The following MBD5 variants were observed in gnomAD, a reference collection of about 807,000 sequenced individuals.
MBD5 encodes the protein methyl-CpG-binding domain protein 5.
In MBD5, 13 loss-of-function variants were observed where a neutral mutation model predicts 117.3. The ratio of observed to expected loss-of-function variants is 0.11; its 90% CI spans 0.07 to 0.18. The LOEUF is 0.18. Ranked by LOEUF, MBD5 falls within the 10% of genes least tolerant of loss-of-function variation. MBD5 has a pLI of 1.00. For missense variants in MBD5, 1,879 were observed against 2,093.8 expected (o/e 0.90, Z 2.00); for synonymous variants, 727 against 766.4 (o/e 0.95, Z 0.85).
chr2:148,324,592 A>G (rs1211235559), intron 3 of MBD5, among the ~76,000 whole-genome samples: 1 of 151,950 alleles, frequency 6.6e-6, no homozygotes, highest in African/African-American at 2.4e-5. Context: ...TTCTCTTTGA[A>G]GCAATTGTGA....
At chr2:148,151,803 T>C (rs1047032908) in intron 1 of MBD5, among the ~76,000 whole-genome samples, 1 of 152,006 alleles carries the variant, frequency 6.6e-6, no homozygotes, top group Non-Finnish European at 1.5e-5. Flanking sequence ...TTTATCATTT[T>C]TTATTGCGTC....
rs148125061 is a variant in MBD5 at position 148,356,351 on chromosome 2, T to G, written c.-557+14015T>G. On this transcript the variant is annotated intron_variant, in intron 4 of 13. Coordinates refer to ENST00000642680, the MANE Select transcript of MBD5 (RefSeq NM_001378120.1). ...GCCTGGAATTTTTGCTCTGGTTTCC[T>G]TATTTTTTTTCTTCATAGCTCACGT... Among the ~76,000 whole-genome samples, 76 of 152,270 alleles carry G rather than the reference T, an allele frequency of 5.0e-4. 2 individuals are homozygous for G. The highest frequency in any genetic ancestry group is 1.0e-3 in the Non-Finnish European group (68 of 68,014).
intron 1 of MBD5, among the ~76,000 whole-genome samples, chr2:148,043,479 A>ATAAATAAATAAATAAT (rs1011006160): frequency 2.0e-5 from 3 of 151,428 alleles, no homozygotes; most frequent in African/African-American, 7.3e-5. Context: ...AAATAAATAA[A>ATAAATAAATAAATAAT]TAAATAAAAG....
chr2:148,339,516 A>G (rs936592239), intron 3 of MBD5, among the ~76,000 whole-genome samples: 1 of 152,114 alleles, frequency 6.6e-6, no homozygotes, highest in Admixed American at 6.6e-5. Flanking sequence ...ATGAATCTCA[A>G]TGAACTCATC....
intron 1 of MBD5, among the ~76,000 whole-genome samples, chr2:148,052,563 CTTTTTCTGCATACTATAAGTT>C (rs1159786157): frequency 6.7e-6 from 1 of 149,396 alleles, no homozygotes; most frequent in Non-Finnish European, 1.5e-5. Flanking sequence ...CTTAGCACTG[CTTTTTCTGCATACTATAAGTT>C]TTCATATGTT....
At chr2:148,508,416 A>C (rs1057161927) in intron 12 of MBD5, among the ~76,000 whole-genome samples, 4 of 152,208 alleles carry the variant, frequency 2.6e-5, no homozygotes, top group African/African-American at 7.2e-5. Flanking sequence ...TTTAAAAAAA[A>C]ACACACATAA....
intron 1 of MBD5, among the ~76,000 whole-genome samples, chr2:148,108,942 A>C (rs1696440288): frequency 1.3e-5 from 2 of 152,210 alleles, no homozygotes; most frequent in African/African-American, 4.8e-5. Flanking sequence ...ATACCAAAAC[A>C]ATACCATTTT....
chr2:148,477,489 T>C (rs923875159), intron 8 of MBD5, among the ~76,000 whole-genome samples: 1 of 152,292 alleles, frequency 6.6e-6, no homozygotes, highest in African/African-American at 2.4e-5. Context: ...AGAGATTTGA[T>C]ATGTTTTTGT....
intron 4 of MBD5, among the ~76,000 whole-genome samples, chr2:148,452,013 T>C (rs767243770): frequency 3.3e-5 from 5 of 152,162 alleles, no homozygotes; most frequent in Admixed American, 6.5e-5. Context: ...TGTGATGTCA[T>C]TATAAACATT....
chr2:148,045,415 A>C (rs1286513487), intron 1 of MBD5, among the ~76,000 whole-genome samples: 1 of 152,180 alleles, frequency 6.6e-6, no homozygotes, highest in Non-Finnish European at 1.5e-5. Flanking sequence ...GAAACCTATA[A>C]ATATACATAG....
chr2:148,114,603 A>G (rs1172025992), intron 1 of MBD5, among the ~76,000 whole-genome samples: 1 of 152,224 alleles, frequency 6.6e-6, no homozygotes, highest in Non-Finnish European at 1.5e-5. Flanking sequence ...GCTGGTTTAA[A>G]TACTGTCTGA....
chr2:148,321,840 G>T (rs1010747314), intron 3 of MBD5, among the ~76,000 whole-genome samples: 1 of 151,834 alleles, frequency 6.6e-6, no homozygotes, highest in Non-Finnish European at 1.5e-5. Flanking sequence ...CTCCTGCCTC[G>T]GCCTCCTAGA....
chr2:148,213,742 A>G (rs1323215934), intron 2 of MBD5, among the ~76,000 whole-genome samples: 1 of 152,184 alleles, frequency 6.6e-6, no homozygotes, highest in Non-Finnish European at 1.5e-5. Context: ...TTAACTACAT[A>G]AATACAACTT....
intron 1 of MBD5, among the ~76,000 whole-genome samples, chr2:148,165,193 T>C (rs981605370): frequency 3.3e-5 from 5 of 152,194 alleles, no homozygotes; most frequent in South Asian, 2.1e-4. Context: ...TCACTGATTG[T>C]ATTTGTTCCT....
At chr2:148,283,602 C>G (rs558504035) in intron 3 of MBD5, among the ~76,000 whole-genome samples, 1 of 152,110 alleles carries the variant, frequency 6.6e-6, no homozygotes, top group Non-Finnish European at 1.5e-5. Context: ...CCAAACAAAT[C>G]TAAGAACTAA....
At chr2:148,072,675 G>T (rs1377755157) in intron 1 of MBD5, among the ~76,000 whole-genome samples, 1 of 152,146 alleles carries the variant, frequency 6.6e-6, no homozygotes, top group East Asian at 1.9e-4. Flanking sequence ...ACACTTGATT[G>T]CCCCTGATAA....
In MBD5 at chr2:148,069,570, T is replaced by C. The variant is rs75781630; in HGVS notation, c.-925+47886T>C. On this transcript the variant is annotated intron_variant, in intron 1 of 13. Coordinates refer to ENST00000642680, the MANE Select transcript of MBD5 (RefSeq NM_001378120.1). ...GTATTTAGAAGCTATGTCACAATGC[T>C]GGGTAATAAGGAGTTTGTGGGGAAC... 8.5e-5 allele frequency among the ~76,000 whole-genome samples: 13 copies of C among 152,266 alleles called. No homozygotes were observed. The East Asian group carries it at 2.5e-3, about 29-fold the overall frequency.
chr2:148,294,501 G>GT (rs58961481), intron 3 of MBD5, among the ~76,000 whole-genome samples: 11 of 113,262 alleles, frequency 9.7e-5, no homozygotes, highest in African/African-American at 3.7e-4. Context: ...TGGGATTACA[G>GT]TTTTTTTTTT....
chr2:148,220,692 A>G (rs1350256182), intron 2 of MBD5, among the ~76,000 whole-genome samples: 2 of 152,176 alleles, frequency 1.3e-5, no homozygotes, highest in African/African-American at 4.8e-5. Context: ...ACATGTAACA[A>G]TCACATCATG....
Sources: gnomAD v4.1 joint callset for allele counts (sites outside exome capture counted in the v4.1 genomes callset) on GRCh38, gnomAD v4.1.1 for gene constraint, MANE v1.5 for transcripts, NCBI Gene and HGNC (gene_info 2026-07-23, HGNC 2026-07-21) for gene names.